The following CSNK1G1 variants were observed in gnomAD, a reference collection of about 807,000 sequenced individuals.
CSNK1G1 encodes casein kinase 1 gamma 1.
CSNK1G1 carries 22 observed loss-of-function variants against 59.6 expected under a neutral mutation model. The ratio of observed to expected loss-of-function variants is 0.37; its 90% CI spans 0.26 to 0.53. The LOEUF is 0.53. CSNK1G1 is among the 20% of genes least tolerant of loss of function. The pLI, the probability that CSNK1G1 is intolerant of heterozygous loss-of-function variation, is 0.89. For missense variants in CSNK1G1, 384 were observed against 519.5 expected (o/e 0.74, Z 2.54); for synonymous variants, 179 against 177.1 (o/e 1.01, Z -0.08).
intron 1 of CSNK1G1, among the ~76,000 whole-genome samples, chr15:64,337,667 T>C (rs1897461737): frequency 6.6e-6 from 1 of 152,204 alleles, no homozygotes; most frequent in South Asian, 2.1e-4. Context: ...ATAATATTTA[T>C]AATTTAACCT....
intron 10 of CSNK1G1, 42 bp downstream of exon 10, chr15:64,203,037 CAAG>C (rs1396610763): frequency 1.1e-5 from 15 of 1,420,204 alleles, no homozygotes; most frequent in South Asian, 2.3e-5. Flanking sequence ...TAATATTAGC[CAAG>C]AAGAAGGGTA....
intron 4 of CSNK1G1, among the ~76,000 whole-genome samples, chr15:64,243,722 T>A (rs1178687544): frequency 1.3e-5 from 2 of 152,100 alleles, no homozygotes; most frequent in Non-Finnish European, 2.9e-5. Context: ...AAAAGCAACA[T>A]GCAAAAATTA....
chr15:64,314,418 A>G (rs908958533), intron 1 of CSNK1G1, among the ~76,000 whole-genome samples: 4 of 151,988 alleles, frequency 2.6e-5, no homozygotes, highest in Non-Finnish European at 5.9e-5. Context: ...TAATTTATGA[A>G]TATAATATAT....
intron 10 of CSNK1G1, among the ~76,000 whole-genome samples, chr15:64,193,576 A>G (rs1439817644): frequency 6.6e-6 from 1 of 152,104 alleles, no homozygotes; most frequent in Non-Finnish European, 1.5e-5. Flanking sequence ...CCCATGCCAG[A>G]CAGGGGTTAT....
intron 3 of CSNK1G1, among the ~76,000 whole-genome samples, chr15:64,256,215 G>T (rs1434349257): frequency 6.6e-6 from 1 of 152,194 alleles, no homozygotes; most frequent in Non-Finnish European, 1.5e-5. Context: ...CTAGAAAAGG[G>T]ACTATTCTTT....
intron 2 of CSNK1G1, among the ~76,000 whole-genome samples, chr15:64,273,377 G>A (rs1004713134): frequency 6.6e-6 from 1 of 152,082 alleles, no homozygotes; most frequent in Non-Finnish European, 1.5e-5. Flanking sequence ...TGAATAAAAT[G>A]TTTTTATAAC....
intron 1 of CSNK1G1, among the ~76,000 whole-genome samples, chr15:64,326,931 G>A (rs1441973254): frequency 6.7e-6 from 1 of 149,670 alleles, no homozygotes; most frequent in African/African-American, 2.5e-5. Context: ...CTGGAAAATC[G>A]GGTCACTCCC....
At chr15:64,314,141 T>C (rs1370669949) in intron 1 of CSNK1G1, among the ~76,000 whole-genome samples, 1 of 152,200 alleles carries the variant, frequency 6.6e-6, no homozygotes, top group African/African-American at 2.4e-5. Flanking sequence ...GTTCTTGCTA[T>C]GTAGCCCAGG....
chr15:64,242,834 A>G (rs1374554676), intron 4 of CSNK1G1, among the ~76,000 whole-genome samples: 1 of 152,208 alleles, frequency 6.6e-6, no homozygotes, highest in Non-Finnish European at 1.5e-5. Context: ...AATTCTTAAC[A>G]AAATACTAGC....
chr15:64,211,714 C>T (rs1206135943), intron 6 of CSNK1G1, among the ~76,000 whole-genome samples: 3 of 152,142 alleles, frequency 2.0e-5, no homozygotes, highest in Non-Finnish European at 4.4e-5. Flanking sequence ...CATGAGATAA[C>T]CGAGGCTGAG....
intron 10 of CSNK1G1, among the ~76,000 whole-genome samples, chr15:64,195,722 C>T (rs191688962): frequency 7.0e-4 from 106 of 152,216 alleles, no homozygotes; most frequent in Admixed American, 1.2e-3. Context: ...CCCTTTCTGC[C>T]GGATTGTAAT....
chr15:64,289,179 CAAAA>C (rs111427455), intron 2 of CSNK1G1, among the ~76,000 whole-genome samples: 1 of 109,054 alleles, frequency 9.2e-6, no homozygotes, highest in Admixed American at 1.0e-4. Context: ...GACTCTGTAT[CAAAA>C]AAAAAAAAAA....
chr15:64,273,128 T>C lies in CSNK1G1; in HGVS notation c.182-13887A>G, dbSNP rs140907461. On this transcript the variant is annotated intron_variant, in intron 2 of 11. Transcript: ENST00000303052. ...AGTGAGAACTTACTGCACTGTATAT[T>C]TCAAGATAGCTAGACAAGAGAATCT... is the stretch of plus-strand genomic sequence containing the variant. Among the ~76,000 whole-genome samples the C allele has an allele frequency of 2.1e-3, 315 of 152,322 alleles. 1 individual carries two copies. The highest frequency in any genetic ancestry group is 7.2e-3 in the African/African-American group (299 of 41,568).
rs1040558503 is a variant in CSNK1G1, at chr15:64,270,116, C to T, written c.182-10875G>A. Among the ~76,000 whole-genome samples the T allele has an allele frequency of 2.6e-5, 4 of 152,188 alleles. No individual in the cohort carries two copies. In the East Asian group the frequency reaches 5.8e-4, roughly 22 times the overall value. On this transcript the variant is annotated intron_variant, in intron 2 of 11. Transcript: ENST00000303052. Reference sequence around the variant, plus strand: ...AGCCACCACACCTGGCCTCTGATGGCTGTTTGTATTTCTGTGGGGTCAGTG... The same window carrying T: ...AGCCACCACACCTGGCCTCTGATGGTTGTTTGTATTTCTGTGGGGTCAGTG...
Position 64,344,097 on chromosome 15 carries a change from T to G in CSNK1G1, c.-225+11891A>C, listed in dbSNP as rs527903648. ...AAAAATGCTTTAAAAAATAATAAAA[T>G]GAATAATAGCATTGTAAGTGGCTTC... On this transcript the variant is annotated intron_variant, in intron 1 of 11. Coordinates refer to ENST00000303052, the MANE Select transcript of CSNK1G1 (RefSeq NM_022048.5). Among the ~76,000 whole-genome samples, 9 of 152,202 alleles carry G rather than the reference T, an allele frequency of 5.9e-5. 1 individual carries two copies. The highest frequency in any genetic ancestry group is 1.9e-4 in the African/African-American group (8 of 41,542).
At chr15:64,215,049 C>T (rs1249211264) in intron 5 of CSNK1G1, among the ~76,000 whole-genome samples, 1 of 152,006 alleles carries the variant, frequency 6.6e-6, no homozygotes, top group Non-Finnish European at 1.5e-5. Flanking sequence ...GACCCTCCCA[C>T]CTCAGCCTCA....
At chr15:64,220,943 C>T (rs1027920846) in intron 4 of CSNK1G1, among the ~76,000 whole-genome samples, 1 of 152,102 alleles carries the variant, frequency 6.6e-6, no homozygotes, top group East Asian at 1.9e-4. Flanking sequence ...GACATCTTGA[C>T]GATGTAAAGT....
At chr15:64,206,016 T>G in intron 7 of CSNK1G1, among the ~76,000 whole-genome samples, 1 of 152,236 alleles carries the variant, frequency 6.6e-6, no homozygotes, top group Non-Finnish European at 1.5e-5. Context: ...AACCAAAAAA[T>G]ATGTCTTGGG....
chr15:64,314,806 A>T lies in CSNK1G1; in HGVS notation c.-224-14083T>A, dbSNP rs532343255. On this transcript the variant is annotated intron_variant, in intron 1 of 11. Transcript: ENST00000303052. ...TTCCATCCAAGTTGCCACAAATGAC[A>T]TAATTCCTTCTTTAAGGCTGAATAT... Among the ~76,000 whole-genome samples, 5 of 152,342 alleles carry T rather than the reference A, an allele frequency of 3.3e-5. No homozygotes were observed. The East Asian group carries it at 9.6e-4, about 29-fold the overall frequency.
Sources: gnomAD v4.1 joint callset for allele counts (sites outside exome capture counted in the v4.1 genomes callset) on GRCh38, gnomAD v4.1.1 for gene constraint, MANE v1.5 for transcripts, NCBI Gene and HGNC (gene_info 2026-07-23, HGNC 2026-07-21) for gene names.